The following HEATR5B variants were observed in gnomAD, a reference collection of about 807,000 sequenced individuals.
The protein encoded by HEATR5B is HEAT repeat containing 5B.
In HEATR5B, 156 loss-of-function variants were observed where a neutral mutation model predicts 224.1. That is an observed-to-expected ratio of 0.70 (90% CI 0.61 to 0.80). The LOEUF is 0.80. HEATR5B is among the 30% of genes least tolerant of loss of function. The pLI, the probability that HEATR5B is intolerant of heterozygous loss-of-function variation, is 0.00. For missense variants in HEATR5B, 2,323 were observed against 2,535.5 expected (o/e 0.92, Z 1.80); for synonymous variants, 1,027 against 893.0 (o/e 1.15, Z -2.68).
At chr2:37,047,613 C>A (rs76134425) in intron 18 of HEATR5B, among the ~76,000 whole-genome samples, 2,994 of 152,242 alleles carry the variant, frequency 0.02, 101 homozygotes, top group African/African-American at 0.069. Context: ...GGGTCTTAAG[C>A]AATTGAAGGT....
At chr2:37,080,975 A>C (rs1421888689) in intron 2 of HEATR5B, among the ~76,000 whole-genome samples, 1 of 152,202 alleles carries the variant, frequency 6.6e-6, no homozygotes, top group Non-Finnish European at 1.5e-5. Context: ...TATTCATATT[A>C]TGCTTCCTGT....
rs1426504868 is a variant in HEATR5B, at chr2:37,065,003, T to C, written c.1334-13A>G. The C allele has an allele frequency of 3.1e-6, 5 of 1,611,510 alleles. No individual in the cohort carries two copies. The highest frequency in any genetic ancestry group is 4.2e-6 in the Non-Finnish European group (5 of 1,177,972). Reference sequence around the variant, plus strand: ...ATCTCCAAAAGCCCTAAACAAGAAATACTCAAAATATTACTCTTTAATGAA... The same window carrying C: ...ATCTCCAAAAGCCCTAAACAAGAAACACTCAAAATATTACTCTTTAATGAA... On this transcript the variant is annotated splice_polypyrimidine_tract_variant and intron_variant, in intron 9 of 35. Transcript: ENST00000233099.
chr2:37,040,332 G>T lies in HEATR5B; in HGVS notation c.3043C>A (p.Gln1015Lys). ...AIITTVGPEL[Q>K]GNGATTSTIR... ...TAATTTCAGATGATTTACTTACCTT[G>T]TAGTTCAGGGCCAACAGTAGTTATT... Residue 1015 changes from glutamine (Q) to lysine (K), a missense_variant, in exon 20 of 36, where the codon CAA becomes AAA. Transcript: ENST00000233099. 6.2e-7 allele frequency: 1 copy of T among 1,610,536 alleles called. No individual in the cohort carries two copies. The highest frequency in any genetic ancestry group is 1.1e-5 in the South Asian group (1 of 90,316).
At chr2:36,984,215 A>AAAAAAAAAAAAAAAATATATATATATAT in intron 35 of HEATR5B, among the ~76,000 whole-genome samples, 6 of 77,628 alleles carry the variant, frequency 7.7e-5, no homozygotes, top group East Asian at 1.2e-3. Context: ...AAAAAAAAAA[A>AAAAAAAAAAAAAAAATATATATATATAT]ATATATATAT....
chr2:36,998,048 T>C (rs1666845096), intron 33 of HEATR5B, among the ~76,000 whole-genome samples: 1 of 152,244 alleles, frequency 6.6e-6, no homozygotes, highest in Non-Finnish European at 1.5e-5. Context: ...TATCATATAT[T>C]ACATTCTCAC....
Position 37,058,900 on chromosome 2 carries a change from G to C in HEATR5B, c.1937C>G (p.Thr646Ser). ...ATCGCTTACTTACTGTGACATCATA[G>C]TCATGGCACATTCAATAGGGGTCAT... ...KLMTPIECAM[T>S]MMSHIPSVMK... Residue 646 changes from threonine to serine, a missense_variant, in exon 13 of 36, where the codon ACT (threonine) becomes AGT (serine). Thr to Ser is a moderately conservative substitution (Grantham distance 58). Transcript: ENST00000233099. 6.3e-7 allele frequency: 1 copy of C among 1,596,052 alleles called. No individual in the cohort carries two copies. The highest frequency in any genetic ancestry group is 2.2e-5 in the East Asian group (1 of 44,676).
chr2:36,999,970 C>A (rs1448161931), intron 33 of HEATR5B, among the ~76,000 whole-genome samples: 7 of 151,766 alleles, frequency 4.6e-5, no homozygotes, highest in South Asian at 2.1e-4. Flanking sequence ...TGAGATCACG[C>A]CACTGCACTA....
At chr2:36,985,782 C>T (rs1476247138) in intron 35 of HEATR5B, among the ~76,000 whole-genome samples, 2 of 151,922 alleles carry the variant, frequency 1.3e-5, no homozygotes, top group Non-Finnish European at 2.9e-5. Flanking sequence ...CTGATCATTG[C>T]TACACCTCAT....
chr2:37,046,646 A>G (rs1433474264), intron 18 of HEATR5B, among the ~76,000 whole-genome samples: 1 of 151,406 alleles, frequency 6.6e-6, no homozygotes, highest in Non-Finnish European at 1.5e-5. Flanking sequence ...TCTCAAAAAA[A>G]AAAAAAAAAA....
intron 22 of HEATR5B, among the ~76,000 whole-genome samples, chr2:37,029,700 G>C (rs182748722): frequency 2.6e-5 from 4 of 151,660 alleles, no homozygotes; most frequent in Admixed American, 6.6e-5. Flanking sequence ...CAGCACATTG[G>C]GGGGCTGAGG....
intron 26 of HEATR5B, among the ~76,000 whole-genome samples, chr2:37,018,178 A>G (rs1487237169): frequency 6.7e-6 from 1 of 149,244 alleles, no homozygotes; most frequent in Non-Finnish European, 1.5e-5. Context: ...TGCCACTAGA[A>G]AAAAAAAAAC....
chr2:37,082,680 G>C (rs545620808), intron 2 of HEATR5B, among the ~76,000 whole-genome samples: 3 of 152,192 alleles, frequency 2.0e-5, no homozygotes, highest in Admixed American at 6.5e-5. Context: ...TTTCCCATAA[G>C]GGATACTTTT....
chr2:36,992,350 T>C (rs577476920), intron 33 of HEATR5B, among the ~76,000 whole-genome samples: 151 of 152,128 alleles, frequency 9.9e-4, no homozygotes, highest in Non-Finnish European at 3.4e-4. Context: ...GGAAACTGAA[T>C]TGGGAGGACT....
intron 12 of HEATR5B, among the ~76,000 whole-genome samples, chr2:37,059,811 T>C (rs538377520): frequency 1.3e-5 from 2 of 152,100 alleles, no homozygotes; most frequent in Non-Finnish European, 1.5e-5. Flanking sequence ...TGTAAATATA[T>C]ATGTATATAA....
rs746528134 is a variant in HEATR5B, at chr2:37,028,784, A to G, written c.3498T>C (p.Cys1166=). ...MLDRETDRKL[C]SDIHDTLGHM... ...GTCCCAAAGTGTCATGAATATCAGA[A>G]CATAATTTTCGATCTGTCTCCCGGT... The change falls in exon 23 of 36, where the codon TGT becomes TGC. Residue 1166 remains cysteine, a synonymous_variant. Transcript: ENST00000233099. 3 of 1,614,122 alleles carry G rather than the reference A, an allele frequency of 1.9e-6. No homozygotes were observed. Among genetic ancestry groups the G allele is most frequent in the Non-Finnish European group, 1.7e-6 (2 of 1,180,006 alleles).
rs532243107 is a variant in HEATR5B at position 37,036,657 on chromosome 2, A to T, written c.3216+1198T>A. 2.2e-4 allele frequency among the ~76,000 whole-genome samples: 33 copies of T among 151,894 alleles called. No individual in the cohort carries two copies. The South Asian group carries it at 6.9e-3, about 32-fold the overall frequency. The stretch of plus-strand genomic sequence containing the variant: ...CTCCCGAGTAGCTGAGATTATAGGC[A>T]CCCGCCACCACCCCTGACTAATTTT... On this transcript the variant is annotated intron_variant, in intron 21 of 35. Coordinates refer to ENST00000233099, the MANE Select transcript of HEATR5B (RefSeq NM_019024.3).
intron 27 of HEATR5B, among the ~76,000 whole-genome samples, chr2:37,011,404 G>C (rs754092414): frequency 1.6e-4 from 25 of 152,176 alleles, no homozygotes; most frequent in Non-Finnish European, 1.8e-4. Flanking sequence ...CAATGGGGAA[G>C]CAAGGGTGTC....
Position 37,041,309 on chromosome 2 carries a change from G to C in HEATR5B, c.2697-17C>G. The C allele has an allele frequency of 6.2e-7, 1 of 1,611,910 alleles. No homozygotes were observed. Among genetic ancestry groups the C allele is most frequent in the Non-Finnish European group, 8.5e-7 (1 of 1,178,438 alleles). Reference sequence around the variant, plus strand: ...GATTTCAACCTGAAAAAAAGATTATGCTTCAAGCACTAACTTTGCTATTTC... The same window carrying C: ...GATTTCAACCTGAAAAAAAGATTATCCTTCAAGCACTAACTTTGCTATTTC... On this transcript the variant is annotated splice_polypyrimidine_tract_variant and intron_variant, in intron 18 of 35. Transcript: ENST00000233099.
chr2:37,031,056 A>G (rs1037322467), intron 22 of HEATR5B, among the ~76,000 whole-genome samples: 3 of 152,216 alleles, frequency 2.0e-5, no homozygotes, highest in Non-Finnish European at 4.4e-5. Flanking sequence ...TTGGGCATTA[A>G]GTCTTTAATA....
Sources: gnomAD v4.1 joint callset for allele counts (sites outside exome capture counted in the v4.1 genomes callset) on GRCh38, gnomAD v4.1.1 for gene constraint, MANE v1.5 for transcripts, NCBI Gene and HGNC (gene_info 2026-07-23, HGNC 2026-07-21) for gene names.